The following CDC42SE2 variants were observed in gnomAD, a reference collection of about 807,000 sequenced individuals.
CDC42SE2 encodes the protein CDC42 small effector 2.
CDC42SE2 carries 3 observed loss-of-function variants against 11.5 expected under a neutral mutation model. The ratio of observed to expected loss-of-function variants is 0.26; its 90% CI spans 0.12 to 0.67. CDC42SE2 has a LOEUF of 0.67. Among genes scored for constraint, CDC42SE2 ranks in the 30% least tolerant of loss-of-function variants. The pLI, the probability that CDC42SE2 is intolerant of heterozygous loss-of-function variation, is 0.80. For synonymous variants in CDC42SE2, 33 were observed against 34.8 expected (o/e 0.95, Z 0.18); for missense variants, 82 against 106.8 (o/e 0.77, Z 1.02).
At chr5:131,337,432 A>T (rs1001282600) in intron 2 of CDC42SE2, among the ~76,000 whole-genome samples, 2 of 152,308 alleles carry the variant, frequency 1.3e-5, no homozygotes, top group Admixed American at 1.3e-4. Flanking sequence ...CTACTTGAGG[A>T]GGCAGTCTGC....
chr5:131,344,305 T>TA lies in CDC42SE2; in HGVS notation c.-285-14903dup, dbSNP rs528723450. On this transcript the variant is annotated intron_variant, in intron 2 of 4. Transcript: ENST00000505065. ...GAAAATTGGGACACTCCCACCCTAA[T>TA]ACTGCGCTTTCCAACAGCCTTAGCA... is the stretch of plus-strand genomic sequence containing the variant. 5.3e-5 allele frequency among the ~76,000 whole-genome samples: 8 copies of TA among 152,306 alleles called. No individual in the cohort carries two copies. In the South Asian group the frequency reaches 1.4e-3, roughly 28 times the overall value.
At chr5:131,301,125 T>A (rs1217336020) in intron 1 of CDC42SE2, among the ~76,000 whole-genome samples, 1 of 152,190 alleles carries the variant, frequency 6.6e-6, no homozygotes, top group Non-Finnish European at 1.5e-5. Context: ...TACTGTATTG[T>A]ACACTACCGT....
intron 1 of CDC42SE2, among the ~76,000 whole-genome samples, chr5:131,249,934 C>A (rs1368997436): frequency 1.3e-5 from 2 of 152,090 alleles, no homozygotes; most frequent in Non-Finnish European, 2.9e-5. Flanking sequence ...CAAAAGGCAG[C>A]AACTTAAGGA....
chr5:131,245,044 T>A (rs542980325), upstream of CDC42SE2, among the ~76,000 whole-genome samples: 2 of 151,926 alleles, frequency 1.3e-5, no homozygotes, highest in East Asian at 3.9e-4. Context: ...TGGGAGCAAA[T>A]CCACAAACCA....
At chr5:131,360,190 G>A (rs920284356) in intron 3 of CDC42SE2, among the ~76,000 whole-genome samples, 3 of 152,152 alleles carry the variant, frequency 2.0e-5, no homozygotes, top group South Asian at 4.2e-4. Context: ...GCGTGATCTC[G>A]GCTCACTGCA....
At chr5:131,317,549 T>C (rs184706616) in intron 2 of CDC42SE2, among the ~76,000 whole-genome samples, 235 of 151,974 alleles carry the variant, frequency 1.5e-3, no homozygotes, top group Non-Finnish European at 1.8e-3. Flanking sequence ...TTGGCGGTGA[T>C]GTAGTAAGAG....
rs1174472864 is a variant in CDC42SE2, at chr5:131,359,308, A to G, written c.-186A>G. On this transcript the variant is annotated 5_prime_UTR_variant, in exon 3 of 5. Transcript: ENST00000505065. ...GAACCAGAAGCAAAGAAAGGAAACA[A>G]TCCAAATTTTTCTTTATTAAATCGA... The G allele has an allele frequency of 6.5e-6, 4 of 615,958 alleles. No individual in the cohort carries two copies. The highest frequency in any genetic ancestry group is 2.7e-5 in the East Asian group (1 of 36,638). 38.2% of individuals were successfully genotyped at this position (615,958 alleles called of 1,614,324 possible). A position where few individuals can be genotyped will look rare whatever the true frequency, so the allele number is the denominator to read the frequency against.
chr5:131,257,049 A>C (rs1756684402), intron 2 of CDC42SE2, among the ~76,000 whole-genome samples: 1 of 152,156 alleles, frequency 6.6e-6, no homozygotes, highest in African/African-American at 2.4e-5. Flanking sequence ...TAGGGCATGT[A>C]CACCAACACA....
chr5:131,334,327 G>T (rs1306396720), intron 2 of CDC42SE2, among the ~76,000 whole-genome samples: 1 of 152,168 alleles, frequency 6.6e-6, no homozygotes, highest in African/African-American at 2.4e-5. Flanking sequence ...CTTGATCATG[G>T]TTGATAAGCT....
At chr5:131,211,367 A>C in the CDC42SE2 span, among the ~76,000 whole-genome samples, 25 of 152,250 alleles carry the variant, frequency 1.6e-4, no homozygotes, top group Non-Finnish European at 2.8e-4. Flanking sequence ...AGGAAAATTC[A>C]TTGTTCCTTT....
chr5:131,386,059 A>G (rs979501130), intron 4 of CDC42SE2, among the ~76,000 whole-genome samples: 3 of 152,116 alleles, frequency 2.0e-5, no homozygotes, highest in African/African-American at 7.2e-5. Flanking sequence ...TTATTGCTTT[A>G]CTTTATAAAC....
chr5:131,260,067 A>G (rs776282937), upstream of CDC42SE2, among the ~76,000 whole-genome samples: 2 of 152,256 alleles, frequency 1.3e-5, no homozygotes, highest in Non-Finnish European at 2.9e-5. Context: ...AGCTTTTACC[A>G]GCACAGCCTG....
intron 1 of CDC42SE2, among the ~76,000 whole-genome samples, chr5:131,250,624 A>G (rs1280665241): frequency 6.6e-6 from 1 of 152,192 alleles, no homozygotes; most frequent in African/African-American, 2.4e-5. Context: ...GGAGCATAGG[A>G]GATTTTCAGG....
intron 2 of CDC42SE2, among the ~76,000 whole-genome samples, chr5:131,258,991 G>A (rs1756701899): frequency 6.6e-6 from 1 of 152,192 alleles, no homozygotes; most frequent in Admixed American, 6.5e-5. Flanking sequence ...GTAAAGCAAA[G>A]TTTGACTTAG....
rs927019030 is a variant in CDC42SE2 at position 131,330,530 on chromosome 5, A to G, written c.-286+14386A>G. Among the ~76,000 whole-genome samples the G allele has an allele frequency of 5.3e-5, 8 of 152,094 alleles. No homozygotes were observed. In the South Asian group the frequency reaches 6.2e-4, roughly 12 times the overall value. ...TACTTCTTTTTCAGTTCACTTTTAT[A>G]ATAATATTTTTCCCCATGACAGTGG... is the stretch of plus-strand genomic sequence containing the variant. On this transcript the variant is annotated intron_variant, in intron 2 of 4. Transcript: ENST00000505065.
chr5:131,314,407 A>AT (rs543798194), intron 1 of CDC42SE2, among the ~76,000 whole-genome samples: 2 of 151,444 alleles, frequency 1.3e-5, no homozygotes, highest in African/African-American at 2.4e-5. Context: ...AACTTAAAAC[A>AT]TTTTTTTTGT....
chr5:131,375,197 A>G (rs1183295703), intron 3 of CDC42SE2, among the ~76,000 whole-genome samples: 3 of 152,046 alleles, frequency 2.0e-5, no homozygotes, highest in Non-Finnish European at 4.4e-5. Context: ...GCTTTTAGCA[A>G]TTTGGCCCTT....
chr5:131,235,995 GT>G, the CDC42SE2 span, among the ~76,000 whole-genome samples: 1 of 152,092 alleles, frequency 6.6e-6, no homozygotes. Flanking sequence ...GTTAAAAACC[GT>G]TTTTTATATG....
At chr5:131,300,627 C>G (rs768312758) in intron 1 of CDC42SE2, among the ~76,000 whole-genome samples, 1 of 151,686 alleles carries the variant, frequency 6.6e-6, no homozygotes, top group Non-Finnish European at 1.5e-5. Context: ...ACTAAAAATA[C>G]AAAAAATTAG....
Sources: gnomAD v4.1 joint callset for allele counts (sites outside exome capture counted in the v4.1 genomes callset) on GRCh38, gnomAD v4.1.1 for gene constraint, MANE v1.5 for transcripts, NCBI Gene and HGNC (gene_info 2026-07-23, HGNC 2026-07-21) for gene names.